The following BTBD3 variants were observed in gnomAD, a reference collection of about 807,000 sequenced individuals.
BTBD3 encodes BTB/POZ domain-containing protein 3.
A neutral mutation model predicts 41.6 loss-of-function variants in BTBD3; 14 were observed. The ratio of observed to expected loss-of-function variants is 0.34; its 90% CI spans 0.22 to 0.53. The LOEUF (loss-of-function observed/expected upper bound fraction) is 0.53. Ranked by LOEUF, BTBD3 falls within the 20% of genes least tolerant of loss-of-function variation. BTBD3 has a pLI of 0.95. For missense variants in BTBD3, 426 were observed against 654.7 expected (o/e 0.65, Z 3.81); for synonymous variants, 249 against 233.7 (o/e 1.07, Z -0.60).
At position 11,925,977 on chromosome 20, in the gene BTBD3, T is replaced by C. The variant is rs1395463674; in HGVS notation, c.*2311T>C. ...TCTGATTGGCTGGTACCGAGAGCTGTGGGTAAAATTTGAAAATTGTATTTA... is the reference window on the plus strand; with the variant it reads ...TCTGATTGGCTGGTACCGAGAGCTGCGGGTAAAATTTGAAAATTGTATTTA... On this transcript the variant is annotated 3_prime_UTR_variant, in exon 4 of 4. Transcript: ENST00000378226. 6.6e-6 allele frequency: 1 copy of C among 152,160 alleles called. No homozygotes were observed. Among genetic ancestry groups the C allele is most frequent in the African/African-American group, 2.4e-5 (1 of 41,438 alleles). 9.4% of individuals were successfully genotyped at this position (152,160 alleles called of 1,614,324 possible). A position where few individuals can be genotyped will look rare whatever the true frequency, so the allele number is the denominator to read the frequency against.
At chr20:11,895,236 C>G (rs2056779373) in intron 1 of BTBD3, among the ~76,000 whole-genome samples, 1 of 152,150 alleles carries the variant, frequency 6.6e-6, no homozygotes, top group Non-Finnish European at 1.5e-5. Context: ...TCTTTTTAAT[C>G]ATAGATTTAG....
chr20:11,910,387 T>A (rs1417319945), intron 1 of BTBD3: 1 of 152,190 alleles, frequency 6.6e-6, no homozygotes, highest in Admixed American at 6.5e-5. Context: ...GTTGTTCCAT[T>A]CCAGCATTCC....
chr20:11,896,883 G>T (rs1315086934), intron 1 of BTBD3, among the ~76,000 whole-genome samples: 2 of 152,222 alleles, frequency 1.3e-5, no homozygotes, highest in African/African-American at 4.8e-5. Context: ...TATTGTCTTG[G>T]TTGGGGTGGT....
Position 11,922,607 on chromosome 20 carries a change from C to T in BTBD3, c.537-27C>T, listed in dbSNP as rs2056980368. The T allele has an allele frequency of 3.2e-6, 5 of 1,563,892 alleles. 1 individual carries two copies. The highest frequency in any genetic ancestry group is 4.3e-6 in the Non-Finnish European group (5 of 1,153,018). On this transcript the variant is annotated intron_variant, in intron 3 of 3. Transcript: ENST00000378226. ...GGATGTACTCATTTTGTGAAAATTC[C>T]ACTTACATGTTATGTGCTTTTTACA...
intron 1 of BTBD3, among the ~76,000 whole-genome samples, chr20:11,904,193 C>T (rs6040980): frequency 6.6e-6 from 1 of 152,164 alleles, no homozygotes; most frequent in African/African-American, 2.4e-5. Flanking sequence ...GCTCACAGTT[C>T]TGCAGGCTCT....
chr20:11,898,737 G>A (rs1001126757), intron 1 of BTBD3, among the ~76,000 whole-genome samples: 2 of 152,012 alleles, frequency 1.3e-5, no homozygotes, highest in Non-Finnish European at 2.9e-5. Context: ...TGGATCTAAC[G>A]TTGACTTATC....
At chr20:11,914,635 TAAAA>T (rs113382976), upstream of BTBD3, among the ~76,000 whole-genome samples, 11 of 145,210 alleles carry the variant, frequency 7.6e-5, no homozygotes, top group Admixed American at 2.7e-4. Flanking sequence ...AATAATAAAA[TAAAA>T]AAAAAAGAAA....
At chr20:11,904,466 T>C (rs1457469299) in intron 1 of BTBD3, among the ~76,000 whole-genome samples, 1 of 152,070 alleles carries the variant, frequency 6.6e-6, no homozygotes, top group African/African-American at 2.4e-5. Flanking sequence ...GGGACACAAA[T>C]CCAAACCATA....
intron 1 of BTBD3, 169 bp downstream of exon 1, chr20:11,918,770 T>G: frequency 1.4e-6 from 1 of 737,756 alleles, no homozygotes. Flanking sequence ...TACAGCTGTT[T>G]TCCTCTTAGA....
At chr20:11,914,855 CTGTA>C (rs2056908728), upstream of BTBD3, among the ~76,000 whole-genome samples, 1 of 151,954 alleles carries the variant, frequency 6.6e-6, no homozygotes, top group African/African-American at 2.4e-5. Flanking sequence ...ATTTGTATGC[CTGTA>C]TGTGTGTTTA....
intron 1 of BTBD3, among the ~76,000 whole-genome samples, chr20:11,908,160 G>T (rs1274066555): frequency 6.6e-6 from 1 of 152,036 alleles, no homozygotes; most frequent in Admixed American, 6.6e-5. Flanking sequence ...CTCCGCAGAT[G>T]ACAAGTAAAA....
In BTBD3 at chr20:11,918,249, A is replaced by G. The variant is rs767643838; in HGVS notation, c.-27A>G. 14 of 1,523,568 alleles carry G rather than the reference A, an allele frequency of 9.2e-6. No homozygotes were observed. The highest frequency in any genetic ancestry group is 6.8e-5 in the East Asian group (3 of 44,224). The allele number at this position is 1,523,568 out of a possible 1,614,324, so 94.4% of individuals were successfully genotyped here. On this transcript the variant is annotated 5_prime_UTR_variant, in exon 1 of 4. It removes the in-frame stop codon of an upstream open reading frame in the 5' UTR. Coordinates refer to ENST00000378226, the MANE Select transcript of BTBD3 (RefSeq NM_014962.4). Reference sequence around the variant, plus strand: ...ATGTTCAAACCAATTTGGGATATCTAACTCTAAAGAGAGACACACTGTACT... The same window carrying G: ...ATGTTCAAACCAATTTGGGATATCTGACTCTAAAGAGAGACACACTGTACT...
At chr20:11,917,191 A>G (rs2122288133), upstream of BTBD3, among the ~76,000 whole-genome samples, 1 of 152,006 alleles carries the variant, frequency 6.6e-6, no homozygotes, top group Non-Finnish European at 1.5e-5. Context: ...CAGCCTTTGA[A>G]CATTGATCAT....
intron 1 of BTBD3, chr20:11,910,111 A>C (rs2056880207): frequency 6.6e-6 from 1 of 152,128 alleles, no homozygotes; most frequent in Non-Finnish European, 1.5e-5. Context: ...GTTCTTGGAA[A>C]AGGTGTTTTT....
intron 1 of BTBD3, among the ~76,000 whole-genome samples, chr20:11,904,428 GA>G (rs772023703): frequency 6.6e-6 from 1 of 152,112 alleles, no homozygotes; most frequent in Non-Finnish European, 1.5e-5. Flanking sequence ...CAACATTGGG[GA>G]TTACAATTCA....
chr20:11,900,856 CGCCACCATGCCCAGCTAATTTT>C, intron 1 of BTBD3, among the ~76,000 whole-genome samples: 1 of 151,818 alleles, frequency 6.6e-6, no homozygotes, highest in Admixed American at 6.6e-5. Flanking sequence ...TATAGGTGCC[CGCCACCATGCCCAGCTAATTTT>C]GTTTTTGTAT....
intron 1 of BTBD3, among the ~76,000 whole-genome samples, chr20:11,904,819 T>G (rs1426662026): frequency 3.3e-5 from 5 of 152,240 alleles, no homozygotes; most frequent in Admixed American, 6.5e-5. Flanking sequence ...TAGTAGTTTC[T>G]TAAAGGTTAA....
At chr20:11,901,392 A>G (rs2056822896) in intron 1 of BTBD3, among the ~76,000 whole-genome samples, 1 of 152,170 alleles carries the variant, frequency 6.6e-6, no homozygotes, top group Non-Finnish European at 1.5e-5. Context: ...GTGAGCTGTT[A>G]CTGAAAGTGG....
chr20:11,914,648 AAAG>A (rs1015157405), upstream of BTBD3, among the ~76,000 whole-genome samples: 3 of 152,090 alleles, frequency 2.0e-5, no homozygotes, highest in Non-Finnish European at 2.9e-5. Context: ...AAAAAAAAGA[AAAG>A]AACCTAGTGT....
Sources: allele counts gnomAD v4.1 joint callset (sites outside exome capture counted in the v4.1 genomes callset), GRCh38; gene constraint gnomAD v4.1.1; transcripts MANE v1.5; gene names NCBI Gene and HGNC (gene_info 2026-07-23, HGNC 2026-07-21).